Variants in GRM2 observed in about 807,000 individuals in gnomAD.
GRM2 encodes the protein glutamate metabotropic receptor 2.
A neutral mutation model predicts 60.4 loss-of-function variants in GRM2; 35 were observed. The observed-to-expected ratio is 0.58, with a 90% confidence interval of 0.44 to 0.77. The LOEUF is 0.77. GRM2 is among the 30% of genes least tolerant of loss of function. The pLI is 0.00. For synonymous variants in GRM2, 437 were observed against 484.1 expected (o/e 0.90, Z 1.28); for missense variants, 925 against 1,199.5 (o/e 0.77, Z 3.38).
chr3:51,717,907 C>A lies in GRM2; in HGVS notation c.2545+90C>A. 1 of 1,436,018 alleles carries A rather than the reference C, an allele frequency of 7.0e-7. No individual in the cohort carries two copies. Among genetic ancestry groups the A allele is most frequent in the Non-Finnish European group, 9.8e-7 (1 of 1,020,596 alleles). The allele number at this position is 1,436,018 out of a possible 1,614,324, so 89.0% of individuals were successfully genotyped here. A position where few individuals can be genotyped will look rare whatever the true frequency, so the allele number is the denominator to read the frequency against. ...AGATCTCTTGTCTGGGGGTGAGGTGCCCCCCAAATGACACTGGCAGGAGAG... is the reference window on the plus strand; with the variant it reads ...AGATCTCTTGTCTGGGGGTGAGGTGACCCCCAAATGACACTGGCAGGAGAG... On this transcript the variant is annotated intron_variant, in intron 5 of 5. Transcript: ENST00000395052. This position sits in a 1 kb window ranked among gnomAD's most constrained non-coding sequence, Gnocchi z 6.0.
chr3:51,717,977 C>T lies in GRM2; in HGVS notation c.2546-62C>T. ...GGCTTCCCTCACAGCCCTGCTTCCC[C>T]ACTGCCTGCCCTCCATGGAGGACCT... On this transcript the variant is annotated intron_variant, in intron 5 of 5. Transcript: ENST00000395052. The surrounding 1 kb of genome is among the most constrained non-coding windows in gnomAD (Gnocchi z 6.0). The T allele has an allele frequency of 2.6e-6, 4 of 1,514,676 alleles. No individual in the cohort carries two copies. Among genetic ancestry groups the T allele is most frequent in the Non-Finnish European group, 3.7e-6 (4 of 1,089,244 alleles). 93.8% of individuals were successfully genotyped at this position (1,514,676 alleles called of 1,614,324 possible).
At position 51,712,815 on chromosome 3, in the gene GRM2, G is replaced by C. The variant is rs767700581; in HGVS notation, c.793G>C (p.Val265Leu). Reference sequence around the variant, plus strand: ...CCTGCTGCAGAAGCCCAGTGCCCGCGTGGCTGTCCTGTTCACCCGTTCTGA... The same window carrying C: ...CCTGCTGCAGAAGCCCAGTGCCCGCCTGGCTGTCCTGTTCACCCGTTCTGA... ...RALLQKPSAR[V>L]AVLFTRSEDA... is the part of the protein sequence containing the mutation. The change falls in exon 3 of 6, where the codon GTG (valine) becomes CTG (leucine). Residue 265 changes from valine (V) to leucine (L), a missense_variant. Coordinates refer to ENST00000395052, the MANE Select transcript of GRM2 (RefSeq NM_000839.5). This position sits in a 1 kb window ranked among gnomAD's most constrained non-coding sequence, Gnocchi z 5.3. The C allele has an allele frequency of 6.2e-7, 1 of 1,612,770 alleles. No individual in the cohort carries two copies. The highest frequency in any genetic ancestry group is 1.3e-5 in the African/African-American group (1 of 74,940).
rs543019005 is a variant in GRM2, at chr3:51,717,869, C to T, written c.2545+52C>T. 1.3e-6 allele frequency: 2 copies of T among 1,558,814 alleles called. No individual in the cohort carries two copies. On this transcript the variant is annotated intron_variant, in intron 5 of 5. Transcript: ENST00000395052. The surrounding 1 kb of genome is among the most constrained non-coding windows in gnomAD (Gnocchi z 6.0). ...CCTGTTCCCCTCTCCCTGTCCAGCT[C>T]CTTGGGTTGCTGAGATCTCTTGTCT...
At position 51,717,621 on chromosome 3, in the gene GRM2, C is replaced by A; in HGVS notation, c.2365-16C>A. On this transcript the variant is annotated splice_polypyrimidine_tract_variant and intron_variant, in intron 4 of 5. Coordinates refer to ENST00000395052, the MANE Select transcript of GRM2 (RefSeq NM_000839.5). The surrounding 1 kb of genome is among the most constrained non-coding windows in gnomAD (Gnocchi z 6.0). ...AGGTCTTGACCTGTGCTTGTTCACC[C>A]ACTCACCCACCGCAGGTACAGACCA... 6.2e-7 allele frequency: 1 copy of A among 1,607,080 alleles called. No individual in the cohort carries two copies. The highest frequency in any genetic ancestry group is 8.5e-7 in the Non-Finnish European group (1 of 1,175,842).
rs887401279 is a variant in GRM2 at position 51,713,360 on chromosome 3, G to A, written c.1288+50G>A. Reference sequence around the variant, plus strand: ...TGGCCTGCTGGCTGTCAGAGGATGAGGGGAAGCAGAACTTCAGCTTCCATT... The same window carrying A: ...TGGCCTGCTGGCTGTCAGAGGATGAAGGGAAGCAGAACTTCAGCTTCCATT... On this transcript the variant is annotated intron_variant, in intron 3 of 5. Transcript: ENST00000395052. This position sits in a 1 kb window ranked among gnomAD's most constrained non-coding sequence, Gnocchi z 4.8. 3.2e-6 allele frequency: 4 copies of A among 1,259,228 alleles called. No individual in the cohort carries two copies. The highest frequency in any genetic ancestry group is 1.5e-5 in the African/African-American group (1 of 67,484). The allele number at this position is 1,259,228 out of a possible 1,614,324, so 78.0% of individuals were successfully genotyped here. A position where few individuals can be genotyped will look rare whatever the true frequency, so the allele number is the denominator to read the frequency against.
In GRM2 at chr3:51,713,896, A is replaced by T. The variant is rs1468662703; in HGVS notation, c.1288+586A>T. The T allele has an allele frequency of 4.6e-6, 2 of 437,614 alleles. No individual in the cohort carries two copies. Among genetic ancestry groups the T allele is most frequent in the African/African-American group, 4.0e-5 (2 of 49,540 alleles). The allele number at this position is 437,614 out of a possible 1,614,324, so 27.1% of individuals were successfully genotyped here. A position where few individuals can be genotyped will look rare whatever the true frequency, so the allele number is the denominator to read the frequency against. On this transcript the variant is annotated intron_variant, in intron 3 of 5. Coordinates refer to ENST00000395052, the MANE Select transcript of GRM2 (RefSeq NM_000839.5). The surrounding 1 kb of genome is among the most constrained non-coding windows in gnomAD (Gnocchi z 4.8). ...CTCAGTCTCCAGAGTAGCTAGGATGACAGGCATGTGGCACTGCTCCTAGCT... is the reference window on the plus strand; with the variant it reads ...CTCAGTCTCCAGAGTAGCTAGGATGTCAGGCATGTGGCACTGCTCCTAGCT...
chr3:51,715,403 TACTGGCCCAATGCCAGCCTG>T lies in GRM2; in HGVS notation c.1637_1656del (p.Pro546LeufsTer234). On this transcript the variant is annotated frameshift_variant, in exon 4 of 6. Transcript: ENST00000395052. LOFTEE classifies it high-confidence loss of function. This position sits in a 1 kb window ranked among gnomAD's most constrained non-coding sequence, Gnocchi z 9.0. ...CACTTGCGCTGATTGTGGCCTGGGC[TACTGGCCCAATGCCAGCCTG>T]ACTGGCTGCTTCGAACTGCCCCAGG... is the stretch of plus-strand genomic sequence containing the variant. 1.2e-6 allele frequency: 2 copies of T among 1,613,540 alleles called. No homozygotes were observed. The highest frequency in any genetic ancestry group is 1.7e-6 in the Non-Finnish European group (2 of 1,179,988).
rs1184765167 is a variant in GRM2, at chr3:51,708,895, C to T, written c.-89C>T. Reference sequence around the variant, plus strand: ...TCTTCTTGTCTGTCCTTTCCTGGTCCCTGTTTCCTCCTCTCTTTGCCTTCG... The same window carrying T: ...TCTTCTTGTCTGTCCTTTCCTGGTCTCTGTTTCCTCCTCTCTTTGCCTTCG... On this transcript the variant is annotated 5_prime_UTR_variant, in exon 2 of 6. Transcript: ENST00000395052. 8 of 960,534 alleles carry T rather than the reference C, an allele frequency of 8.3e-6. No individual in the cohort carries two copies. The highest frequency in any genetic ancestry group is 1.2e-5 in the Non-Finnish European group (8 of 662,960). 59.5% of individuals were successfully genotyped at this position (960,534 alleles called of 1,614,324 possible). A position where few individuals can be genotyped will look rare whatever the true frequency, so the allele number is the denominator to read the frequency against.
Position 51,715,178 on chromosome 3 carries a change from C to G in GRM2, c.1405C>G (p.Gln469Glu). The G allele has an allele frequency of 8.7e-6, 14 of 1,614,052 alleles. No individual in the cohort carries two copies. Among genetic ancestry groups the G allele is most frequent in the Non-Finnish European group, 1.1e-5 (13 of 1,179,924 alleles). Reference protein sequence around the residue: ...LRAGSGRYRYQKVGYWAEGLT... With the variant: ...LRAGSGRYRYEKVGYWAEGLT... ...TGCAGGCAGTGGGCGCTATCGCTAC[C>G]AGAAGGTGGGCTACTGGGCAGAAGG... The change falls in exon 4 of 6, where the codon CAG becomes GAG. Residue 469 changes from glutamine (Q) to glutamate (E), a missense_variant. Coordinates refer to ENST00000395052, the MANE Select transcript of GRM2 (RefSeq NM_000839.5). This position sits in a 1 kb window ranked among gnomAD's most constrained non-coding sequence, Gnocchi z 9.0.
intron 1 of GRM2, chr3:51,707,453 T>G (rs1379003434): frequency 6.5e-6 from 1 of 153,676 alleles, no homozygotes; most frequent in Non-Finnish European, 1.5e-5. Context: ...CTCTCAGGCT[T>G]GCTCGCTCCC....
chr3:51,712,672 G>A lies in GRM2; in HGVS notation c.650G>A (p.Gly217Asp). ...VSTVASEGDY[G>D]ETGIEAFELE... is the part of the protein sequence containing the mutation. ...ACTGTGGCGTCTGAGGGCGACTATG[G>A]CGAGACAGGCATTGAGGCCTTTGAG... The change falls in exon 3 of 6, where the codon GGC (glycine) becomes GAC (aspartate). Residue 217 changes from glycine (G) to aspartate (D), a missense_variant. Physicochemically the swap from Gly to Asp is moderately conservative, Grantham distance 94 (BLOSUM62 -1). Coordinates refer to ENST00000395052, the MANE Select transcript of GRM2 (RefSeq NM_000839.5). The surrounding 1 kb of genome is among the most constrained non-coding windows in gnomAD (Gnocchi z 5.3). 6.2e-7 allele frequency: 1 copy of A among 1,614,108 alleles called. No individual in the cohort carries two copies. Among genetic ancestry groups the A allele is most frequent in the Non-Finnish European group, 8.5e-7 (1 of 1,180,048 alleles).
rs145802255 is a variant in GRM2, at chr3:51,715,991, G to A, written c.2218G>A (p.Ala740Thr). The A allele has an allele frequency of 6.8e-6, 11 of 1,614,062 alleles. No homozygotes were observed. The highest frequency in any genetic ancestry group is 3.3e-5 in the South Asian group (3 of 91,078). The change falls in exon 4 of 6, where the codon GCG becomes ACG. Residue 740 changes from alanine to threonine, a missense_variant. Transcript: ENST00000395052. This position sits in a 1 kb window ranked among gnomAD's most constrained non-coding sequence, Gnocchi z 9.0. ...GCTGGCCTACAATGTGCTCCTCATC[G>A]CGCTCTGCACGCTTTATGCCTTCAA... Reference protein sequence around the residue: ...GSLAYNVLLIALCTLYAFKTR... With the variant: ...GSLAYNVLLITLCTLYAFKTR...
At chr3:51,714,934 G>A in intron 3 of GRM2, 128 bp from the exon 4 acceptor site, 1 of 564,518 alleles carries the variant, frequency 1.8e-6, no homozygotes, top group Non-Finnish European at 3.2e-6. Flanking sequence ...TTAGTATTGG[G>A]TTAAGGATTG....
chr3:51,717,579 G>A lies in GRM2; in HGVS notation c.2365-58G>A. 2.1e-6 allele frequency: 3 copies of A among 1,414,594 alleles called. No individual in the cohort carries two copies. The highest frequency in any genetic ancestry group is 2.4e-5 in the South Asian group (2 of 81,760). 87.6% of individuals were successfully genotyped at this position (1,414,594 alleles called of 1,614,324 possible). On this transcript the variant is annotated intron_variant, in intron 4 of 5. Coordinates refer to ENST00000395052, the MANE Select transcript of GRM2 (RefSeq NM_000839.5). This position sits in a 1 kb window ranked among gnomAD's most constrained non-coding sequence, Gnocchi z 6.0. ...CCCTCCCCCACAGATCAGGCAGGGG[G>A]TCCTGGGGTCAGGCCCAGGTCTTGA...
chr3:51,710,939 A>G (rs1281340597), intron 2 of GRM2, among the ~76,000 whole-genome samples: 1 of 152,242 alleles, frequency 6.6e-6, no homozygotes, highest in South Asian at 2.1e-4. Flanking sequence ...GCTGGGGGAC[A>G]TAAGGTAGGC....
Position 51,712,300 on chromosome 3 carries a change from A to T in GRM2, c.451-173A>T, listed in dbSNP as rs905664211. On this transcript the variant is annotated intron_variant, in intron 2 of 5. Transcript: ENST00000395052. The surrounding 1 kb of genome is among the most constrained non-coding windows in gnomAD (Gnocchi z 5.3). ...TCAGCCCTTGGAAAGAGATAAAAAA[A>T]CTCCCTAGCCCAGAGGGAAGACTGT... Among the ~76,000 whole-genome samples the T allele has an allele frequency of 5.3e-5, 8 of 151,950 alleles. No individual in the cohort carries two copies. The highest frequency in any genetic ancestry group is 1.9e-4 in the African/African-American group (8 of 41,360).
At position 51,718,147 on chromosome 3, in the gene GRM2, T is replaced by C; in HGVS notation, c.*35T>C. 6.3e-7 allele frequency: 1 copy of C among 1,580,526 alleles called. No homozygotes were observed. The highest frequency in any genetic ancestry group is 8.7e-7 in the Non-Finnish European group (1 of 1,149,302). Reference sequence around the variant, plus strand: ...ACTCCCGCCCTGACACAGCTGCTCCTGGGAACCTAGTGCAGACCCACGTCC... The same window carrying C: ...ACTCCCGCCCTGACACAGCTGCTCCCGGGAACCTAGTGCAGACCCACGTCC... On this transcript the variant is annotated 3_prime_UTR_variant, in exon 6 of 6. Coordinates refer to ENST00000395052, the MANE Select transcript of GRM2 (RefSeq NM_000839.5). The surrounding 1 kb of genome is among the most constrained non-coding windows in gnomAD (Gnocchi z 4.2).
chr3:51,712,705 C>G lies in GRM2; in HGVS notation c.683C>G (p.Ala228Gly). The change falls in exon 3 of 6, where the codon GCT becomes GGT. Residue 228 changes from alanine to glycine, a missense_variant. By Grantham distance (60) the Ala-to-Gly change is moderately conservative. Coordinates refer to ENST00000395052, the MANE Select transcript of GRM2 (RefSeq NM_000839.5). The surrounding 1 kb of genome is among the most constrained non-coding windows in gnomAD (Gnocchi z 5.3). ...GGCATTGAGGCCTTTGAGCTAGAGGCTCGTGCCCGCAACATCTGTGTGGCC... is the reference window on the plus strand; with the variant it reads ...GGCATTGAGGCCTTTGAGCTAGAGGGTCGTGCCCGCAACATCTGTGTGGCC... ...ETGIEAFELEARARNICVATS... is the reference protein window; with the variant it reads ...ETGIEAFELEGRARNICVATS... 1 of 1,613,818 alleles carries G rather than the reference C, an allele frequency of 6.2e-7. No homozygotes were observed. The highest frequency in any genetic ancestry group is 8.5e-7 in the Non-Finnish European group (1 of 1,180,024).
Position 51,718,033 on chromosome 3 carries a change from T to A in GRM2, c.2546-6T>A. 1 of 1,613,890 alleles carries A rather than the reference T, an allele frequency of 6.2e-7. No homozygotes were observed. Among genetic ancestry groups the A allele is most frequent in the Non-Finnish European group, 8.5e-7 (1 of 1,179,814 alleles). On this transcript the variant is annotated splice_polypyrimidine_tract_variant and splice_region_variant and intron_variant, in intron 5 of 5. Coordinates refer to ENST00000395052, the MANE Select transcript of GRM2 (RefSeq NM_000839.5). The surrounding 1 kb of genome is among the most constrained non-coding windows in gnomAD (Gnocchi z 4.2). The stretch of plus-strand genomic sequence containing the variant: ...TTGGCCCCAACCTCTGGCTTCCTTT[T>A]CTTAGGGTCTGGCTCCCAGTTTGTC...
Sources: allele counts gnomAD v4.1 joint callset (sites outside exome capture counted in the v4.1 genomes callset), GRCh38; gene constraint gnomAD v4.1.1; non-coding constraint Gnocchi (gnomAD v3.1); transcripts MANE v1.5; gene names NCBI Gene and HGNC (gene_info 2026-07-23, HGNC 2026-07-21).